Variants in SLC5A7 observed in about 807,000 individuals in gnomAD.
The protein encoded by SLC5A7 is high affinity choline transporter 1.
Under a neutral mutation model 55.4 loss-of-function variants are expected in SLC5A7, and 19 were observed. The ratio of observed to expected loss-of-function variants is 0.34; its 90% CI spans 0.24 to 0.50. The LOEUF (loss-of-function observed/expected upper bound fraction) is 0.50, where lower values mean the gene tolerates loss of function less well. Among genes scored for constraint, SLC5A7 ranks in the 20% least tolerant of loss-of-function variants. The pLI is 0.98. For synonymous variants in SLC5A7, 265 were observed against 263.7 expected (o/e 1.00, Z -0.05); for missense variants, 506 against 705.3 (o/e 0.72, Z 3.20).
Position 107,992,195 on chromosome 2 carries a change from G to A in SLC5A7, c.268G>A (p.Gly90Arg). The change falls in exon 3 of 9, where the codon GGA (glycine) becomes AGA (arginine). Residue 90 changes from glycine (G) to arginine (R), a missense_variant. By Grantham distance (125) the Gly-to-Arg change is moderately radical (BLOSUM62 -2). This residue lies in a region of SLC5A7 where 309 missense variants were observed against 478.6 expected (regional missense o/e 0.65). Transcript: ENST00000264047. ...CCTAGCTTGGGCTCAGGCACCAATT[G>A]GATATTCTCTTAGTCTGATTTTAGG... ...YGLAWAQAPI[G>R]YSLSLILGGL... is the part of the protein sequence containing the mutation. 1.9e-6 allele frequency: 3 copies of A among 1,612,772 alleles called. No homozygotes were observed. Among genetic ancestry groups the A allele is most frequent in the Non-Finnish European group, 1.7e-6 (2 of 1,178,920 alleles).
Position 107,993,045 on chromosome 2 carries a change from T to C in SLC5A7, c.366T>C (p.Tyr122=), listed in dbSNP as rs1677511273. ...VTMLDPFQQI[Y]GKRMGGLLFI... Reference sequence around the variant, plus strand: ...TGTTAGACCCGTTTCAGCAAATCTATGGAAAACGCATGGGCGGACTCCTGT... The same window carrying C: ...TGTTAGACCCGTTTCAGCAAATCTACGGAAAACGCATGGGCGGACTCCTGT... The change falls in exon 4 of 9, where the codon TAT becomes TAC. Residue 122 remains tyrosine (Y), a synonymous_variant. Transcript: ENST00000264047. 6.2e-7 allele frequency: 1 copy of C among 1,614,252 alleles called. No individual in the cohort carries two copies. Among genetic ancestry groups the C allele is most frequent in the African/African-American group, 1.3e-5 (1 of 75,070 alleles).
chr2:107,996,706 C>T (rs1277053900), intron 4 of SLC5A7, among the ~76,000 whole-genome samples: 1 of 152,128 alleles, frequency 6.6e-6, no homozygotes, highest in Non-Finnish European at 1.5e-5. Context: ...GGTCATACCT[C>T]AATATGTTCA....
At chr2:108,009,071 C>T (rs530823666) in intron 8 of SLC5A7, among the ~76,000 whole-genome samples, 12 of 151,886 alleles carry the variant, frequency 7.9e-5, no homozygotes, top group Non-Finnish European at 1.5e-4. Flanking sequence ...TTGTTCGACA[C>T]GTATTTTTGT....
At chr2:107,997,776 C>T in intron 4 of SLC5A7, 62 bp from the exon 5 acceptor site, 1 of 1,449,334 alleles carries the variant, frequency 6.9e-7, no homozygotes, top group Non-Finnish European at 9.2e-7. Flanking sequence ...TCATTATGTC[C>T]TTATACAAAG....
chr2:108,002,014 T>G lies in SLC5A7; in HGVS notation c.715T>G (p.Ser239Ala). The G allele has an allele frequency of 6.2e-7, 1 of 1,614,182 alleles. No individual in the cohort carries two copies. The highest frequency in any genetic ancestry group is 8.5e-7 in the Non-Finnish European group (1 of 1,179,998). The change falls in exon 6 of 9, where the codon TCT becomes GCT. Residue 239 changes from serine to alanine, a missense_variant. Physicochemically the swap from Ser to Ala is moderately conservative, Grantham distance 99 (BLOSUM62 1). Around this residue, in one of 4 missense-constraint regions of SLC5A7, gnomAD observed 309 missense variants for 478.6 expected, o/e 0.65. Transcript: ENST00000264047. ...LGTVDSSEVYSWLDSFLLLML... is the reference protein window; with the variant it reads ...LGTVDSSEVYAWLDSFLLLML... ...AACTGTTGACTCATCTGAAGTCTAC[T>G]CTTGGCTTGATAGTTTTCTGTTGTT...
intron 7 of SLC5A7, among the ~76,000 whole-genome samples, chr2:108,007,622 A>G (rs1678174308): frequency 6.6e-6 from 1 of 152,174 alleles, no homozygotes; most frequent in African/African-American, 2.4e-5. Context: ...ATCTCAGTTA[A>G]GGCCACAAAG....
At chr2:107,999,697 A>T (rs1428337993) in intron 5 of SLC5A7, among the ~76,000 whole-genome samples, 1 of 152,136 alleles carries the variant, frequency 6.6e-6, no homozygotes, top group East Asian at 1.9e-4. Context: ...AAATTCTCTA[A>T]TGTCATTGAT....
intron 8 of SLC5A7, among the ~76,000 whole-genome samples, chr2:108,009,859 C>T (rs1414493325): frequency 6.6e-6 from 1 of 152,168 alleles, no homozygotes; most frequent in African/African-American, 2.4e-5. Flanking sequence ...TAGGGATGGC[C>T]TATGCTCTGT....
intron 8 of SLC5A7, 65 bp downstream of exon 8, chr2:108,008,747 T>C: frequency 8.4e-7 from 1 of 1,194,468 alleles, no homozygotes; most frequent in Non-Finnish European, 1.2e-6. Flanking sequence ...GATGTTGTAT[T>C]TGTTGTATAT....
chr2:108,003,284 T>G (rs1170297461), intron 6 of SLC5A7, among the ~76,000 whole-genome samples: 1 of 152,198 alleles, frequency 6.6e-6, no homozygotes, highest in Non-Finnish European at 1.5e-5. Context: ...AATAATCACA[T>G]CATTGTCTGA....
rs200631097 is a variant in SLC5A7 at position 107,992,954 on chromosome 2, C to G, written c.293-18C>G. On this transcript the variant is annotated intron_variant, in intron 3 of 8. Transcript: ENST00000264047. ...TACATTCTTTTTATTTTCTCCTAAA[C>G]AGTTGCTTAATTTTTAGGTGGCCTG... 4.8e-5 allele frequency: 78 copies of G among 1,611,396 alleles called. 2 individuals are homozygous for G. In the African/African-American group the frequency reaches 9.5e-4, roughly 20 times the overall value.
chr2:108,005,554 A>G (rs528357935), intron 6 of SLC5A7, among the ~76,000 whole-genome samples: 1 of 152,346 alleles, frequency 6.6e-6, no homozygotes, highest in Non-Finnish European at 1.5e-5. Context: ...TTGATGATAC[A>G]TTGTCTTAGT....
chr2:108,006,706 C>T (rs1678137816), intron 7 of SLC5A7, among the ~76,000 whole-genome samples: 1 of 152,116 alleles, frequency 6.6e-6, no homozygotes, highest in African/African-American at 2.4e-5. Context: ...TGGCCTACTT[C>T]ACAGGAATTT....
chr2:107,999,776 A>C (rs1270240369), intron 5 of SLC5A7, among the ~76,000 whole-genome samples: 1 of 151,316 alleles, frequency 6.6e-6, no homozygotes, highest in Non-Finnish European at 1.5e-5. Flanking sequence ...CCTCTCTCTG[A>C]CCTCTCTCTC....
At chr2:107,998,797 A>T (rs1389231568) in intron 5 of SLC5A7, among the ~76,000 whole-genome samples, 1 of 152,206 alleles carries the variant, frequency 6.6e-6, no homozygotes, top group South Asian at 2.1e-4. Context: ...AGACTGAGCA[A>T]CCTAACACTA....
Position 108,010,658 on chromosome 2 carries a change from T to C in SLC5A7, c.1540T>C (p.Phe514Leu). 6.2e-7 allele frequency: 1 copy of C among 1,613,954 alleles called. No homozygotes were observed. Among genetic ancestry groups the C allele is most frequent in the Non-Finnish European group, 8.5e-7 (1 of 1,179,942 alleles). The change falls in exon 9 of 9, where the codon TTT (phenylalanine) becomes CTT (leucine). Residue 514 changes from phenylalanine (F) to leucine (L), a missense_variant. By Grantham distance (22) the Phe-to-Leu change is conservative (BLOSUM62 0). This residue lies in a region of SLC5A7 where 137 missense variants were observed against 143.6 expected (regional missense o/e 0.95). Coordinates refer to ENST00000264047, the MANE Select transcript of SLC5A7 (RefSeq NM_021815.5). ...AACCTTGCCACCTAAATTAGATGTA[T>C]TTGATGCTGTTGTTGCAAGACACAG... Reference protein sequence around the residue: ...SGTLPPKLDVFDAVVARHSEE... With the variant: ...SGTLPPKLDVLDAVVARHSEE...
At position 107,997,899 on chromosome 2, in the gene SLC5A7, C is replaced by G. The variant is rs771105353; in HGVS notation, c.510C>G (p.Leu170=). The change falls in exon 5 of 9, where the codon CTC becomes CTG. Residue 170 remains leucine, a synonymous_variant. Transcript: ENST00000264047. ...DMHISVIISA[L]IATLYTLVGG... ...ACATTTCTGTCATCATCTCTGCACT[C>G]ATTGCCACTCTGTACACACTGGTGG... 6.2e-7 allele frequency: 1 copy of G among 1,614,030 alleles called. No homozygotes were observed. The highest frequency in any genetic ancestry group is 8.5e-7 in the Non-Finnish European group (1 of 1,179,922).
chr2:107,988,167 T>G lies in SLC5A7; in HGVS notation c.12T>G (p.His4Gln), dbSNP rs1677318394. MAF[H>Q]VEGLIAIIVF... ...ATCATTAGATAAAAATGGCTTTCCA[T>G]GTGGAAGGACTGATAGCTATCATCG... The change falls in exon 2 of 9, where the codon CAT becomes CAG. Residue 4 changes from histidine (H) to glutamine (Q), a missense_variant. By Grantham distance (24) the His-to-Gln change is conservative. Around this residue, in one of 4 missense-constraint regions of SLC5A7, gnomAD observed 56 missense variants for 62.6 expected, o/e 0.89. Transcript: ENST00000264047. 1 of 1,612,028 alleles carries G rather than the reference T, an allele frequency of 6.2e-7. No homozygotes were observed. Among genetic ancestry groups the G allele is most frequent in the Admixed American group, 1.7e-5 (1 of 59,888 alleles).
intron 2 of SLC5A7, among the ~76,000 whole-genome samples, chr2:107,989,422 T>TA (rs1677364519): frequency 6.6e-6 from 1 of 152,234 alleles, no homozygotes; most frequent in African/African-American, 2.4e-5. Flanking sequence ...ATCTGAAACT[T>TA]ACAGTGTTCT....
Sources: gnomAD v4.1 joint callset for allele counts (sites outside exome capture counted in the v4.1 genomes callset) on GRCh38, gnomAD v4.1.1 for gene constraint, gnomAD v4.1.1 regional missense constraint, MANE v1.5 for transcripts, NCBI Gene and HGNC (gene_info 2026-07-23, HGNC 2026-07-21) for gene names.